Variants in NRXN1 observed in about 807,000 individuals in gnomAD.
NRXN1 encodes neurexin 1, also known as neurexin-1.
A neutral mutation model predicts 150.9 loss-of-function variants in NRXN1; 39 were observed. That is an observed-to-expected ratio of 0.26 (90% confidence interval 0.20 to 0.34). The LOEUF (loss-of-function observed/expected upper bound fraction) is 0.34. Ranked by LOEUF, NRXN1 falls within the 10% of genes least tolerant of loss-of-function variation. NRXN1 has a pLI of 1.00. For synonymous variants in NRXN1, 924 were observed against 757.0 expected, an observed-to-expected ratio of 1.22 and a Z score of -3.62; for missense variants, 1,815 against 1,949.9, an observed-to-expected ratio of 0.93 and a Z score of 1.30.
At chr2:50,198,807 C>A (rs2061944233) in intron 18 of NRXN1, among the ~76,000 whole-genome samples, 1 of 152,236 alleles carries the variant, frequency 6.6e-6, no homozygotes, top group African/African-American at 2.4e-5. Flanking sequence ...TTCTTGTACT[C>A]TGCAAATTTC....
intron 5 of NRXN1, among the ~76,000 whole-genome samples, chr2:50,871,632 G>A (rs969177768): frequency 6.6e-6 from 1 of 151,800 alleles, no homozygotes; most frequent in African/African-American, 2.4e-5. Flanking sequence ...AATTTCAAAT[G>A]TATTTAAATT....
At chr2:50,322,127 T>C (rs2076085518) in intron 17 of NRXN1, among the ~76,000 whole-genome samples, 1 of 151,688 alleles carries the variant, frequency 6.6e-6, no homozygotes. Context: ...GGTCAGATGT[T>C]ACAATCAAAG....
At chr2:50,810,248 G>T (rs1414624526) in intron 5 of NRXN1, among the ~76,000 whole-genome samples, 2 of 152,064 alleles carry the variant, frequency 1.3e-5, no homozygotes, top group African/African-American at 2.4e-5. Flanking sequence ...TCTCAGCCAC[G>T]AACTACCATT....
chr2:50,403,983 A>G (rs562880358), intron 17 of NRXN1, among the ~76,000 whole-genome samples: 1 of 152,194 alleles, frequency 6.6e-6, no homozygotes, highest in South Asian at 2.1e-4. Flanking sequence ...ACCTATGATC[A>G]CAGTTTCTCT....
At chr2:50,630,274 A>G (rs17539109) in intron 5 of NRXN1, among the ~76,000 whole-genome samples, 28,990 of 151,626 alleles carry the variant, frequency 0.19, 3,290 homozygotes, top group Middle Eastern at 0.27. Context: ...AAGGTGTTCA[A>G]TCCTTAGATG....
chr2:50,962,996 G>C (rs780970833), intron 2 of NRXN1, among the ~76,000 whole-genome samples: 26 of 151,610 alleles, frequency 1.7e-4, no homozygotes, highest in Non-Finnish European at 1.9e-4. Flanking sequence ...CTCTGAAGTA[G>C]GTTATAGGAA....
chr2:50,972,924 T>C (rs1695246499), intron 2 of NRXN1, among the ~76,000 whole-genome samples: 1 of 152,210 alleles, frequency 6.6e-6, no homozygotes, highest in Non-Finnish European at 1.5e-5. Flanking sequence ...CCATCTGCCT[T>C]CTTAGCTAAA....
chr2:50,864,611 C>T (rs749871720), intron 5 of NRXN1, among the ~76,000 whole-genome samples: 3 of 151,974 alleles, frequency 2.0e-5, no homozygotes, highest in Non-Finnish European at 4.4e-5. Context: ...CCACAACCCC[C>T]CATAATACTG....
intron 5 of NRXN1, among the ~76,000 whole-genome samples, chr2:50,863,251 A>T (rs923195427): frequency 6.6e-6 from 1 of 152,176 alleles, no homozygotes. Flanking sequence ...TTTTCAGATG[A>T]ACTTTCTGAA....
At chr2:50,882,486 G>A (rs1057241640) in intron 5 of NRXN1, among the ~76,000 whole-genome samples, 11 of 151,844 alleles carry the variant, frequency 7.2e-5, no homozygotes, top group Admixed American at 3.3e-4. Flanking sequence ...CTGGTGTACG[G>A]CTGAGCTAGA....
chr2:50,932,908 A>G (rs891477495), intron 2 of NRXN1, among the ~76,000 whole-genome samples: 1 of 152,018 alleles, frequency 6.6e-6, no homozygotes, highest in African/African-American at 2.4e-5. Flanking sequence ...TATTTTCTTA[A>G]TTGCATTTAT....
chr2:50,016,031 C>A (rs1398663647), intron 21 of NRXN1, among the ~76,000 whole-genome samples: 1 of 152,180 alleles, frequency 6.6e-6, no homozygotes, highest in East Asian at 1.9e-4. Context: ...CAGTTTAGTT[C>A]TCTTTGCCTC....
intron 5 of NRXN1, among the ~76,000 whole-genome samples, chr2:50,663,948 T>C (rs958521311): frequency 4.6e-5 from 7 of 151,996 alleles, no homozygotes; most frequent in Non-Finnish European, 8.8e-5. Flanking sequence ...ATTCTATGCA[T>C]CTGAATCTCA....
At chr2:50,756,586 G>C (rs957091827) in intron 5 of NRXN1, among the ~76,000 whole-genome samples, 6 of 151,768 alleles carry the variant, frequency 4.0e-5, no homozygotes, top group Non-Finnish European at 5.9e-5. Flanking sequence ...GCATAAACGT[G>C]TGCATTGCAG....
rs183359991 is a variant in NRXN1, at chr2:50,645,552, C to T, written c.833-21937G>A. ...CAGGGACTTTTGTTGTTATGGTAGT[C>T]GTCATGGTGATTGTTTACCACTGCA... On this transcript the variant is annotated intron_variant, in intron 5 of 22. Transcript: ENST00000401669. Among the ~76,000 whole-genome samples, 93 of 152,008 alleles carry T rather than the reference C, an allele frequency of 6.1e-4. 1 individual carries two copies. The highest frequency in any genetic ancestry group is 2.1e-3 in the African/African-American group (88 of 41,512).
chr2:50,987,652 A>G (rs909637418), intron 2 of NRXN1, among the ~76,000 whole-genome samples: 2 of 152,014 alleles, frequency 1.3e-5, no homozygotes, highest in African/African-American at 4.8e-5. Flanking sequence ...CTTTGTATGA[A>G]TACACTTAAG....
In NRXN1 at chr2:50,456,578, G is replaced by A. The variant is rs2087580164; in HGVS notation, c.3364+8864C>T. Among the ~76,000 whole-genome samples, 6 of 152,078 alleles carry A rather than the reference G, an allele frequency of 3.9e-5. No homozygotes were observed. The South Asian group carries it at 1.0e-3, about 26-fold the overall frequency. ...GGAAGCAAAAGGGATCCCTGGGCAAGGTGCGTTTCCTTCACAGTAATATTT... is the reference window on the plus strand; with the variant it reads ...GGAAGCAAAAGGGATCCCTGGGCAAAGTGCGTTTCCTTCACAGTAATATTT... On this transcript the variant is annotated intron_variant, in intron 17 of 22. Transcript: ENST00000401669.
intron 8 of NRXN1, among the ~76,000 whole-genome samples, chr2:50,578,723 T>A (rs1023083676): frequency 1.3e-5 from 2 of 152,114 alleles, no homozygotes; most frequent in African/African-American, 4.8e-5. Context: ...TTAAAAAAAA[T>A]GCTAAAGCTT....
chr2:50,408,161 C>G (rs2082889341), intron 17 of NRXN1, among the ~76,000 whole-genome samples: 1 of 152,128 alleles, frequency 6.6e-6, no homozygotes, highest in Non-Finnish European at 1.5e-5. Flanking sequence ...ATGGTAAGGT[C>G]TCACAAGAAT....
Sources: gnomAD v4.1 joint callset for allele counts (sites outside exome capture counted in the v4.1 genomes callset) on GRCh38, gnomAD v4.1.1 for gene constraint, MANE v1.5 for transcripts, NCBI Gene and HGNC (gene_info 2026-07-23, HGNC 2026-07-21) for gene names.